SPECC1L: variants seen among roughly 807,000 people sequenced by gnomAD.
SPECC1L encodes sperm antigen with calponin homology and coiled-coil domains 1 like.
In SPECC1L, 40 loss-of-function variants were observed where a neutral mutation model predicts 116.8. That is an observed-to-expected ratio of 0.34 (90% confidence interval 0.27 to 0.45). SPECC1L has a LOEUF of 0.45. Among genes scored for constraint, SPECC1L ranks in the 20% least tolerant of loss-of-function variants. The pLI is 1.00. For missense variants in SPECC1L, 1,110 were observed against 1,373.6 expected, an observed-to-expected ratio of 0.81 and a Z score of 3.03; for synonymous variants, 504 against 500.6, an observed-to-expected ratio of 1.01 and a Z score of -0.09.
intron 14 of SPECC1L, among the ~76,000 whole-genome samples, chr22:24,375,258 A>T (rs898763923): frequency 6.6e-6 from 1 of 152,226 alleles, no homozygotes; most frequent in African/African-American, 2.4e-5. Context: ...TAAAAGAGGA[A>T]TTAATAGCAA....
intron 14 of SPECC1L, among the ~76,000 whole-genome samples, chr22:24,400,815 G>A (rs905301886): frequency 2.6e-5 from 4 of 152,206 alleles, no homozygotes; most frequent in Non-Finnish European, 5.9e-5. Flanking sequence ...GACTAACCGT[G>A]TTGAGCCTTC....
chr22:24,354,305 T>G (rs5760358), intron 11 of SPECC1L, among the ~76,000 whole-genome samples: 1 of 152,114 alleles, frequency 6.6e-6, no homozygotes, highest in Non-Finnish European at 1.5e-5. Flanking sequence ...CAGCATTTAT[T>G]TATGCATTTT....
intron 4 of SPECC1L, among the ~76,000 whole-genome samples, chr22:24,314,730 C>A (rs1436703728): frequency 6.6e-6 from 1 of 152,156 alleles, no homozygotes; most frequent in Non-Finnish European, 1.5e-5. Context: ...GGCATTGGAG[C>A]CTTATGGGAC....
At chr22:24,408,127 C>G (rs531773946) in intron 14 of SPECC1L, among the ~76,000 whole-genome samples, 2 of 152,190 alleles carry the variant, frequency 1.3e-5, no homozygotes, top group Non-Finnish European at 2.9e-5. Flanking sequence ...CTGTCCTGTC[C>G]TGTCTTCTCT....
intron 14 of SPECC1L, among the ~76,000 whole-genome samples, chr22:24,384,825 C>A (rs1179978310): frequency 6.6e-6 from 1 of 151,894 alleles, no homozygotes; most frequent in African/African-American, 2.4e-5. Flanking sequence ...GCCTGTAATC[C>A]CAGCACTTTG....
chr22:24,338,238 A>G (rs1166244118), intron 9 of SPECC1L, 148 bp from the exon 10 acceptor site: 2 of 779,128 alleles, frequency 2.6e-6, no homozygotes, highest in Non-Finnish European at 2.3e-6. Context: ...ACATGGCTAC[A>G]AGTGTTCAGC....
chr22:24,325,399 T>A (rs1427168447), intron 6 of SPECC1L, among the ~76,000 whole-genome samples: 1 of 152,090 alleles, frequency 6.6e-6, no homozygotes, highest in East Asian at 1.9e-4. Flanking sequence ...GAAAAAAAAA[T>A]ACATTCCATT....
At chr22:24,320,620 C>CA (rs1404079091) in intron 4 of SPECC1L, among the ~76,000 whole-genome samples, 1 of 152,182 alleles carries the variant, frequency 6.6e-6, no homozygotes, top group Non-Finnish European at 1.5e-5. Flanking sequence ...GCACCTACCT[C>CA]ACGTCTTTAA....
At position 24,365,649 on chromosome 22, in the gene SPECC1L, AT is replaced by A. The variant is rs2041747771; in HGVS notation, c.2984+19del. The A allele has an allele frequency of 1.9e-6, 3 of 1,613,672 alleles. No homozygotes were observed. Among genetic ancestry groups the A allele is most frequent in the Non-Finnish European group, 2.5e-6 (3 of 1,179,812 alleles). On this transcript the variant is annotated intron_variant, in intron 13 of 16. Coordinates refer to ENST00000314328, the MANE Select transcript of SPECC1L (RefSeq NM_015330.6). ...CCGAATAAGGTAGAGAACAGTTAAT[AT>A]TCATGCATTTCGTGTGTACCTTTCC...
Position 24,411,680 on chromosome 22 carries a change from T to G in SPECC1L, c.3180T>G (p.Tyr1060Ter). The G allele has an allele frequency of 6.2e-7, 1 of 1,613,756 alleles. No individual in the cohort carries two copies. The highest frequency in any genetic ancestry group is 8.5e-7 in the Non-Finnish European group (1 of 1,180,004). ...LHTYLPAHIP[Y>*]QELNSQDKRR... ...CATATCTCCCTGCCCACATTCCATATCAAGAACTGAACAGCCAGGATAAGG... is the reference window on the plus strand; with the variant it reads ...CATATCTCCCTGCCCACATTCCATAGCAAGAACTGAACAGCCAGGATAAGG... Residue 1060 changes from tyrosine (Y) to a stop codon, truncating the protein, a stop_gained, in exon 15 of 17, where the codon TAT becomes TAG. Transcript: ENST00000314328. LOFTEE classifies it high-confidence loss of function.
chr22:24,324,248 A>G lies in SPECC1L; in HGVS notation c.1967A>G (p.Glu656Gly), dbSNP rs139099983. Residue 656 changes from glutamate to glycine, a missense_variant, in exon 6 of 17, where the codon GAA (glutamate) becomes GGA (glycine). Glu to Gly is a moderately conservative substitution (Grantham distance 98, BLOSUM62 -2). Transcript: ENST00000314328. ...GAGGATGAATACCGAGCCTTCCAAG[A>G]AGAAGCTAAGAAACAAATTGAAGAT... ...KVEDEYRAFQ[E>G]EAKKQIEDLN... The G allele has an allele frequency of 5.8e-5, 94 of 1,613,944 alleles. No individual in the cohort carries two copies. The highest frequency in any genetic ancestry group is 1.6e-4 in the Middle Eastern group (1 of 6,084).
chr22:24,278,018 C>G (rs2048870477), intron 2 of SPECC1L, among the ~76,000 whole-genome samples: 1 of 152,170 alleles, frequency 6.6e-6, no homozygotes, highest in Non-Finnish European at 1.5e-5. Flanking sequence ...TCCACGTTCT[C>G]CACTTCCTCA....
chr22:24,370,942 TG>T (rs1183790367), intron 14 of SPECC1L, among the ~76,000 whole-genome samples: 1 of 142,374 alleles, frequency 7.0e-6, no homozygotes, highest in Non-Finnish European at 1.5e-5. Flanking sequence ...AGAAAGGGGG[TG>T]GGTACACAGT....
At chr22:24,299,757 CTTAT>C (rs1464657015) in intron 2 of SPECC1L, among the ~76,000 whole-genome samples, 1 of 151,542 alleles carries the variant, frequency 6.6e-6, no homozygotes, top group East Asian at 1.9e-4. Flanking sequence ...ATACAATGCA[CTTAT>C]TTAAAGTGTA....
intron 9 of SPECC1L, 114 bp downstream of exon 9, chr22:24,334,687 C>A: frequency 8.6e-7 from 1 of 1,164,956 alleles, no homozygotes; most frequent in Non-Finnish European, 1.3e-6. Flanking sequence ...CATTAACTTT[C>A]ATATAGTATT....
chr22:24,375,702 C>T (rs2146673601), intron 14 of SPECC1L, among the ~76,000 whole-genome samples: 1 of 152,258 alleles, frequency 6.6e-6, no homozygotes, highest in African/African-American at 2.4e-5. Context: ...TGCCTGTAAT[C>T]CCAGTACTTT....
chr22:24,381,084 G>C (rs1472754259), intron 14 of SPECC1L, among the ~76,000 whole-genome samples: 1 of 152,060 alleles, frequency 6.6e-6, no homozygotes, highest in African/African-American at 2.4e-5. Flanking sequence ...GATAATACAA[G>C]AATAACCAAC....
At chr22:24,313,569 C>G in intron 4 of SPECC1L, 103 bp downstream of exon 4, 1 of 1,341,840 alleles carries the variant, frequency 7.5e-7, no homozygotes, top group Non-Finnish European at 1.1e-6. Flanking sequence ...AAATTTTAGA[C>G]ATACAAAAGT....
rs2041108591 is a variant in SPECC1L at position 24,338,540 on chromosome 22, T to C, written c.2652+63T>C. 6 of 1,427,214 alleles carry C rather than the reference T, an allele frequency of 4.2e-6. No homozygotes were observed. The South Asian group carries it at 6.9e-5, about 16-fold the overall frequency. 88.4% of individuals were successfully genotyped at this position (1,427,214 alleles called of 1,614,324 possible). ...AGAATCTGAAAGTTGAGGCCTTTTC[T>C]TCACAGTCATTTACACCTGTATTAG... is the stretch of plus-strand genomic sequence containing the variant. On this transcript the variant is annotated intron_variant, in intron 10 of 16. Coordinates refer to ENST00000314328, the MANE Select transcript of SPECC1L (RefSeq NM_015330.6).
Sources: gnomAD v4.1 joint callset for allele counts (sites outside exome capture counted in the v4.1 genomes callset) on GRCh38, gnomAD v4.1.1 for gene constraint, MANE v1.5 for transcripts, NCBI Gene and HGNC (gene_info 2026-07-23, HGNC 2026-07-21) for gene names.